The following EIF4B variants were observed in gnomAD, a reference collection of about 807,000 sequenced individuals.
EIF4B encodes eukaryotic translation initiation factor 4B.
In EIF4B, 8 loss-of-function variants were observed where a neutral mutation model predicts 79.3. That is an observed-to-expected ratio of 0.10 (90% CI 0.06 to 0.18). The LOEUF is 0.18. Among genes scored for constraint, EIF4B ranks in the 10% least tolerant of loss-of-function variants. The probability of loss-of-function intolerance (pLI) is 1.00; values close to 1 mark genes in which losing one functional copy is unlikely to be tolerated. For synonymous variants in EIF4B, 238 were observed against 274.7 expected (o/e 0.87, Z 1.32); for missense variants, 515 against 792.4 (o/e 0.65, Z 4.20).
chr12:53,006,483 C>T lies in EIF4B; in HGVS notation c.-1C>T. On this transcript the variant is annotated 5_prime_UTR_variant, in exon 1 of 15. Coordinates refer to ENST00000262056, the MANE Select transcript of EIF4B (RefSeq NM_001417.7). ...TTTGCGTTCTCTTTCCCTCTCCCAACATGGCGGCCTCAGGTGAGCGAGCAG... is the reference window on the plus strand; with the variant it reads ...TTTGCGTTCTCTTTCCCTCTCCCAATATGGCGGCCTCAGGTGAGCGAGCAG... 4 of 1,613,604 alleles carry T rather than the reference C, an allele frequency of 2.5e-6. No homozygotes were observed. In the Admixed American group the frequency reaches 5.0e-5, roughly 20 times the overall value.
At chr12:53,039,466 G>GT in intron 13 of EIF4B, 123 bp downstream of exon 13, 1 of 1,221,010 alleles carries the variant, frequency 8.2e-7, no homozygotes, top group Non-Finnish European at 1.1e-6. Context: ...GTCAGCCAAC[G>GT]TAGACAGTTA....
intron 7 of EIF4B, 40 bp from the exon 8 acceptor site, chr12:53,027,975 C>G: frequency 6.2e-7 from 1 of 1,606,330 alleles, no homozygotes. Flanking sequence ...TTTTTTTTCC[C>G]CCTCCGCTGT....
At chr12:53,019,733 A>T (rs1167829889) in intron 3 of EIF4B, among the ~76,000 whole-genome samples, 177 bp from the exon 4 acceptor site, 1 of 149,344 alleles carries the variant, frequency 6.7e-6, no homozygotes, top group Non-Finnish European at 1.5e-5. Context: ...AAGGTATAAT[A>T]GGGCATTTAG....
chr12:53,014,246 T>TAA (rs776521252), intron 1 of EIF4B, among the ~76,000 whole-genome samples: 1 of 133,238 alleles, frequency 7.5e-6, no homozygotes, highest in Admixed American at 7.6e-5. Context: ...ACTGTGAAAC[T>TAA]AAAAAAAAAA....
chr12:53,009,636 G>T (rs1790451421), intron 1 of EIF4B, among the ~76,000 whole-genome samples: 1 of 152,206 alleles, frequency 6.6e-6, no homozygotes, highest in African/African-American at 2.4e-5. Context: ...AAGATGCTCT[G>T]CAGTGGTTGT....
intron 8 of EIF4B, among the ~76,000 whole-genome samples, chr12:53,030,410 A>ATT (rs1555153412): frequency 1.2e-4 from 4 of 34,192 alleles, no homozygotes; most frequent in Admixed American, 5.1e-4. Context: ...AAAAAATTAT[A>ATT]TTCTTTTTTT....
chr12:53,012,087 A>C (rs964846614), intron 1 of EIF4B: 2 of 152,216 alleles, frequency 1.3e-5, no homozygotes, highest in African/African-American at 4.8e-5. Flanking sequence ...TTTCTCAGTT[A>C]ACTGGAATGA....
At chr12:53,035,376 C>T (rs10783558) in intron 10 of EIF4B, among the ~76,000 whole-genome samples, 119,790 of 148,810 alleles carry the variant, frequency 0.8, 50,148 homozygotes, top group Non-Finnish European at 0.92. Flanking sequence ...TATTTATTTT[C>T]TTTTTTTTTT....
intron 12 of EIF4B, 136 bp downstream of exon 12, chr12:53,038,547 G>C (rs1451299507): frequency 3.0e-6 from 2 of 667,618 alleles, no homozygotes; most frequent in Middle Eastern, 2.9e-4. Context: ...AGGCGCAGGG[G>C]CTCACACCTG....
intron 10 of EIF4B, among the ~76,000 whole-genome samples, chr12:53,035,357 T>C (rs1464531446): frequency 4.0e-5 from 6 of 151,406 alleles, no homozygotes; most frequent in Admixed American, 3.9e-4. Flanking sequence ...CCCAGCTAAA[T>C]TTTTTATTTA....
At chr12:53,040,024 A>G in intron 14 of EIF4B, 119 bp from the exon 15 acceptor site, 5 of 1,148,614 alleles carry the variant, frequency 4.4e-6, no homozygotes, top group Non-Finnish European at 6.4e-6. Context: ...CTGATGAGCA[A>G]GCAAGTGGGT....
intron 1 of EIF4B, among the ~76,000 whole-genome samples, chr12:53,012,970 G>GT (rs1415805290): frequency 6.6e-6 from 1 of 152,142 alleles, no homozygotes; most frequent in Non-Finnish European, 1.5e-5. Context: ...CTTGTGATTT[G>GT]AAAAGACATT....
At chr12:53,025,010 G>A (rs565915009) in intron 6 of EIF4B, among the ~76,000 whole-genome samples, 23 of 152,134 alleles carry the variant, frequency 1.5e-4, no homozygotes, top group Admixed American at 1.5e-3. Flanking sequence ...ATATAATTGG[G>A]GAAGCAGTAA....
At chr12:53,018,674 T>C in intron 2 of EIF4B, 124 bp from the exon 3 acceptor site, 1 of 1,045,062 alleles carries the variant, frequency 9.6e-7, no homozygotes, top group Non-Finnish European at 1.4e-6. Flanking sequence ...GAACCCCCAC[T>C]TTTTTTGGTC....
At position 53,035,495 on chromosome 12, in the gene EIF4B, A is replaced by C. The variant is rs183336821; in HGVS notation, c.1306+786A>C. On this transcript the variant is annotated intron_variant, in intron 10 of 14. Transcript: ENST00000262056. Reference sequence around the variant, plus strand: ...GCCATTCTCCTGCCTCAGCCTCCCGAGTAGCTGGGACTACAGGTGCCCACC... The same window carrying C: ...GCCATTCTCCTGCCTCAGCCTCCCGCGTAGCTGGGACTACAGGTGCCCACC... Among the ~76,000 whole-genome samples, 151 of 151,678 alleles carry C rather than the reference A, an allele frequency of 1.0e-3. 1 individual carries two copies. In the East Asian group the frequency reaches 0.024, roughly 24 times the overall value.
chr12:53,037,893 C>T, intron 11 of EIF4B: 1 of 465,462 alleles, frequency 2.1e-6, no homozygotes, highest in Non-Finnish European at 3.8e-6. Context: ...TCCCTTTTGC[C>T]ACATATTGGC....
At chr12:53,032,662 TTTTTTTG>T (rs1943466183) in intron 8 of EIF4B, among the ~76,000 whole-genome samples, 1 of 141,078 alleles carries the variant, frequency 7.1e-6, no homozygotes. Context: ...TGAACTTGGG[TTTTTTTG>T]TTTTTTTTTT....
chr12:53,031,534 A>C (rs935093532), intron 8 of EIF4B, among the ~76,000 whole-genome samples: 2 of 152,144 alleles, frequency 1.3e-5, no homozygotes, highest in Non-Finnish European at 2.9e-5. Context: ...CCCTCGGCCT[A>C]CCAAAGTGCT....
chr12:53,012,669 G>A (rs113467500), intron 1 of EIF4B, among the ~76,000 whole-genome samples: 12,095 of 147,444 alleles, frequency 0.082, 779 homozygotes, highest in African/African-American at 0.18. Flanking sequence ...GCAGTGGCAC[G>A]ATCTCAGCTC....
Sources: gnomAD v4.1 joint callset for allele counts (sites outside exome capture counted in the v4.1 genomes callset) on GRCh38, gnomAD v4.1.1 for gene constraint, MANE v1.5 for transcripts, NCBI Gene and HGNC (gene_info 2026-07-23, HGNC 2026-07-21) for gene names.